The following SFMBT2 variants were observed in gnomAD, a reference collection of about 807,000 sequenced individuals.
SFMBT2 encodes the protein Scm like with four mbt domains 2.
Under a neutral mutation model 110.1 loss-of-function variants are expected in SFMBT2, and 38 were observed. The observed-to-expected ratio is 0.35, with a 90% CI of 0.27 to 0.45. SFMBT2 has a LOEUF of 0.45. SFMBT2 is among the 20% of genes least tolerant of loss of function. SFMBT2 has a pLI of 1.00. For synonymous variants in SFMBT2, 425 were observed against 425.4 expected (o/e 1.00, Z 0.01); for missense variants, 1,011 against 1,094.9 (o/e 0.92, Z 1.08).
intron 4 of SFMBT2, among the ~76,000 whole-genome samples, chr10:7,323,748 A>G (rs1843280764): frequency 2.6e-5 from 4 of 152,212 alleles, no homozygotes. Context: ...ATATTGATAA[A>G]AAGTTCCTTG....
At chr10:7,164,002 G>C in intron 20 of SFMBT2, 92 bp from the exon 21 acceptor site, 3 of 1,479,410 alleles carry the variant, frequency 2.0e-6, no homozygotes, top group Non-Finnish European at 2.7e-6. Context: ...GGCCAAACAT[G>C]ACAACAGGAT....
chr10:7,315,721 C>T (rs1044233155), intron 4 of SFMBT2, among the ~76,000 whole-genome samples: 3 of 152,214 alleles, frequency 2.0e-5, no homozygotes, highest in African/African-American at 7.2e-5. Flanking sequence ...TTTCAATCTG[C>T]TACTAACCCA....
chr10:7,401,848 C>A (rs958359418), intron 1 of SFMBT2, among the ~76,000 whole-genome samples: 8 of 152,218 alleles, frequency 5.3e-5, no homozygotes, highest in African/African-American at 2.4e-5. Flanking sequence ...CTCCACAGTG[C>A]GCCATTCCAC....
intron 1 of SFMBT2, among the ~76,000 whole-genome samples, chr10:7,391,674 GA>G (rs1483428220): frequency 4.6e-5 from 7 of 152,102 alleles, no homozygotes; most frequent in Non-Finnish European, 8.8e-5. Flanking sequence ...TAGAAATCTT[GA>G]AAAGTAAAAT....
intron 4 of SFMBT2, among the ~76,000 whole-genome samples, chr10:7,353,144 G>C (rs993412918): frequency 4.6e-5 from 7 of 152,160 alleles, no homozygotes; most frequent in Non-Finnish European, 1.0e-4. Flanking sequence ...TTACCAGTGT[G>C]CTTCAATATA....
chr10:7,374,263 A>G (rs1052113548), intron 2 of SFMBT2, among the ~76,000 whole-genome samples: 5 of 152,076 alleles, frequency 3.3e-5, no homozygotes, highest in African/African-American at 1.2e-4. Flanking sequence ...CTCCATCTCA[A>G]CAAAACAAAA....
chr10:7,188,131 G>A (rs929100471), intron 16 of SFMBT2, among the ~76,000 whole-genome samples: 10 of 152,072 alleles, frequency 6.6e-5, no homozygotes, highest in South Asian at 6.2e-4. Context: ...TTGACTCCAC[G>A]CCAACCCAGA....
At chr10:7,167,092 G>C (rs191550889) in intron 20 of SFMBT2, among the ~76,000 whole-genome samples, 1 of 152,192 alleles carries the variant, frequency 6.6e-6, no homozygotes, top group Admixed American at 6.5e-5. Context: ...TAGAGCACTC[G>C]GGTGAGGATC....
At chr10:7,371,858 G>C (rs1392510576) in intron 2 of SFMBT2, among the ~76,000 whole-genome samples, 1 of 151,518 alleles carries the variant, frequency 6.6e-6, no homozygotes, top group African/African-American at 2.4e-5. Context: ...TAGGCCAGGG[G>C]ACATGGGGCC....
In SFMBT2 at chr10:7,163,150, C is replaced by CAAACAAACAAACAAA. The variant is rs1564360628; in HGVS notation, c.*619_*620insTTTGTTTGTTTGTTT. On this transcript the variant is annotated 3_prime_UTR_variant, in exon 21 of 21. Transcript: ENST00000397167. This position sits in a 1 kb window ranked among gnomAD's most constrained non-coding sequence, Gnocchi z 4.8. ...ACAAACAAACAAACAAACAAACAAACCATCTAGTTGCATGGAGATGCCTGC... is the reference window on the plus strand; with the variant it reads ...ACAAACAAACAAACAAACAAACAAACAAACAAACAAACAAACATCTAGTTGCATGGAGATGCCTGC... 1 of 174,206 alleles carries CAAACAAACAAACAAA rather than the reference C, an allele frequency of 5.7e-6. No homozygotes were observed. Among genetic ancestry groups the CAAACAAACAAACAAA allele is most frequent in the African/African-American group, 2.4e-5 (1 of 41,688 alleles). The allele number at this position is 174,206 out of a possible 1,614,324, so 10.8% of individuals were successfully genotyped here.
chr10:7,159,086 TC>T lies in SFMBT2; in HGVS notation c.*4683del, dbSNP rs1454425978. On this transcript the variant is annotated 3_prime_UTR_variant, in exon 21 of 21. Transcript: ENST00000397167. ...CGATTGTCCTAGAATTTTCCTTTTT[TC>T]GTCAGCACATCGCTTCAGCCACACA... is the stretch of plus-strand genomic sequence containing the variant. The T allele has an allele frequency of 2.0e-5, 3 of 152,216 alleles. No homozygotes were observed. Among genetic ancestry groups the T allele is most frequent in the African/African-American group, 7.2e-5 (3 of 41,466 alleles). The allele number at this position is 152,216 out of a possible 1,614,324, so 9.4% of individuals were successfully genotyped here.
intron 9 of SFMBT2, among the ~76,000 whole-genome samples, chr10:7,242,994 G>T (rs1397661211): frequency 6.6e-6 from 1 of 152,032 alleles, no homozygotes; most frequent in Non-Finnish European, 1.5e-5. Context: ...GACCTATAGA[G>T]GACAACAAAC....
chr10:7,366,431 CAAAAAAA>C (rs890894030), intron 4 of SFMBT2, among the ~76,000 whole-genome samples: 3 of 63,276 alleles, frequency 4.7e-5, no homozygotes, highest in African/African-American at 1.7e-4. Flanking sequence ...TATATCATAA[CAAAAAAA>C]AAAAAAAAAA....
intron 11 of SFMBT2, among the ~76,000 whole-genome samples, chr10:7,207,290 G>A (rs1348303918): frequency 6.6e-6 from 1 of 151,870 alleles, no homozygotes; most frequent in Non-Finnish European, 1.5e-5. Context: ...CGTCTGGGAG[G>A]TCGAGGTTGC....
At chr10:7,218,721 A>G (rs1839623049) in intron 11 of SFMBT2, among the ~76,000 whole-genome samples, 1 of 152,248 alleles carries the variant, frequency 6.6e-6, no homozygotes, top group African/African-American at 2.4e-5. Context: ...GACAAAGAAG[A>G]AAATACTGCC....
intron 4 of SFMBT2, among the ~76,000 whole-genome samples, chr10:7,357,722 G>T (rs1191313914): frequency 6.6e-6 from 1 of 152,192 alleles, no homozygotes; most frequent in Non-Finnish European, 1.5e-5. Flanking sequence ...CCAAGACTTT[G>T]AACTGAAGGT....
Position 7,408,988 on chromosome 10 carries a change from C to A in SFMBT2, c.-52+1873G>T, listed in dbSNP as rs1008160109. ...CCCCAAACGCTGTCCCCATCCCCCA[C>A]CTTCCCTAGAGCGCGAAACCCAAAA... On this transcript the variant is annotated intron_variant, in intron 1 of 20. Transcript: ENST00000397167. This position sits in a 1 kb window ranked among gnomAD's most constrained non-coding sequence, Gnocchi z 5.7. Among the ~76,000 whole-genome samples the A allele has an allele frequency of 2.0e-5, 3 of 152,106 alleles. No individual in the cohort carries two copies. Among genetic ancestry groups the A allele is most frequent in the African/African-American group, 7.2e-5 (3 of 41,414 alleles).
At chr10:7,273,472 A>C (rs1018397094) in intron 7 of SFMBT2, among the ~76,000 whole-genome samples, 10 of 152,124 alleles carry the variant, frequency 6.6e-5, no homozygotes, top group Admixed American at 6.5e-5. Context: ...ACATTTTTTT[A>C]ATGTATTTTT....
chr10:7,234,776 A>T (rs1056159958), intron 9 of SFMBT2, among the ~76,000 whole-genome samples: 10 of 139,934 alleles, frequency 7.1e-5, no homozygotes, highest in African/African-American at 2.6e-4. Flanking sequence ...ATCTCCAGAC[A>T]CCAAAAAAAA....
Sources: gnomAD v4.1 joint callset for allele counts (sites outside exome capture counted in the v4.1 genomes callset) on GRCh38, gnomAD v4.1.1 for gene constraint, Gnocchi (gnomAD v3.1) non-coding constraint, MANE v1.5 for transcripts, NCBI Gene and HGNC (gene_info 2026-07-23, HGNC 2026-07-21) for gene names.